Variants in CSMD3 observed in about 807,000 individuals in gnomAD.
The protein encoded by CSMD3 is CUB and Sushi multiple domains 3, also known as CUB and sushi domain-containing protein 3.
A neutral mutation model predicts 435.2 loss-of-function variants in CSMD3; 177 were observed. The observed-to-expected ratio is 0.41, with a 90% CI of 0.36 to 0.46. The LOEUF is 0.46. Among genes scored for constraint, CSMD3 ranks in the 20% least tolerant of loss-of-function variants. The pLI, the probability that CSMD3 is intolerant of heterozygous loss-of-function variation, is 0.34. For synonymous variants in CSMD3, 1,656 were observed against 1,520.5 expected, an observed-to-expected ratio of 1.09 and a Z score of -2.07; for missense variants, 4,265 against 4,504.6, an observed-to-expected ratio of 0.95 and a Z score of 1.52.
intron 10 of CSMD3, 118 bp downstream of exon 10, chr8:112,921,509 G>A: frequency 8.9e-6 from 8 of 898,288 alleles, no homozygotes; most frequent in Non-Finnish European, 1.4e-5. Flanking sequence ...AAATATATGA[G>A]CACAATCTTT....
chr8:112,249,798 T>A (rs1815102904), intron 63 of CSMD3, among the ~76,000 whole-genome samples: 2 of 152,028 alleles, frequency 1.3e-5, no homozygotes, highest in South Asian at 4.1e-4. Flanking sequence ...CTCTCCCAAC[T>A]TTCCTTTCCT....
intron 1 of CSMD3, among the ~76,000 whole-genome samples, chr8:113,377,446 A>C (rs2094393091): frequency 6.6e-6 from 1 of 152,200 alleles, no homozygotes; most frequent in South Asian, 2.1e-4. Context: ...TGATAAGTCA[A>C]AAGTGAAATC....
chr8:113,053,918 C>G (rs2131337086), intron 5 of CSMD3, among the ~76,000 whole-genome samples: 1 of 152,256 alleles, frequency 6.6e-6, no homozygotes, highest in South Asian at 2.1e-4. Context: ...ATCAGCATGA[C>G]ATGTTATTTT....
chr8:112,830,900 C>T (rs1165290466), intron 11 of CSMD3, among the ~76,000 whole-genome samples: 1 of 151,778 alleles, frequency 6.6e-6, no homozygotes, highest in Non-Finnish European at 1.5e-5. Context: ...CATTCTCCTG[C>T]CTCAGCCTCC....
chr8:112,341,834 G>C (rs1272422957), intron 41 of CSMD3, 148 bp from the exon 42 acceptor site: 1 of 688,264 alleles, frequency 1.5e-6, no homozygotes, highest in Admixed American at 2.1e-5. Context: ...TGGATTTGCT[G>C]TCTGCCTAGG....
At chr8:113,110,137 C>CACCAGGCT (rs769982627) in intron 4 of CSMD3, among the ~76,000 whole-genome samples, 2 of 152,184 alleles carry the variant, frequency 1.3e-5, no homozygotes, top group African/African-American at 2.4e-5. Flanking sequence ...CAATTAATAG[C>CACCAGGCT]ACCAGGCTGA....
At chr8:113,168,158 G>A (rs915382348) in intron 4 of CSMD3, among the ~76,000 whole-genome samples, 2 of 151,968 alleles carry the variant, frequency 1.3e-5, no homozygotes, top group African/African-American at 4.8e-5. Context: ...ATAACACATT[G>A]TCTTTTCTGG....
At chr8:112,471,175 C>A (rs950164352) in intron 32 of CSMD3, among the ~76,000 whole-genome samples, 1 of 152,132 alleles carries the variant, frequency 6.6e-6, no homozygotes, top group Non-Finnish European at 1.5e-5. Context: ...CTTTCTCATT[C>A]ATTTGGCCAC....
chr8:112,479,177 C>T (rs994094885), intron 31 of CSMD3, among the ~76,000 whole-genome samples: 3 of 152,176 alleles, frequency 2.0e-5, no homozygotes, highest in East Asian at 1.9e-4. Flanking sequence ...GGTGGGGTGT[C>T]GCTGGCCAGA....
intron 16 of CSMD3, among the ~76,000 whole-genome samples, chr8:112,666,787 G>A (rs1413527445): frequency 6.6e-6 from 1 of 151,998 alleles, no homozygotes; most frequent in Non-Finnish European, 1.5e-5. Flanking sequence ...TCTTACTTAT[G>A]TTATCAAATT....
At chr8:112,680,956 T>C (rs1488269857) in intron 16 of CSMD3, among the ~76,000 whole-genome samples, 2 of 151,896 alleles carry the variant, frequency 1.3e-5, no homozygotes, top group South Asian at 2.1e-4. Flanking sequence ...TCAATTATTA[T>C]ATGACAATCT....
chr8:112,640,445 A>C (rs932596337), intron 20 of CSMD3, among the ~76,000 whole-genome samples: 8 of 152,166 alleles, frequency 5.3e-5, no homozygotes, highest in Admixed American at 2.0e-4. Flanking sequence ...AAGGGGACAG[A>C]AAATGAGACC....
At chr8:113,168,234 T>C (rs1172959893) in intron 4 of CSMD3, among the ~76,000 whole-genome samples, 2 of 151,958 alleles carry the variant, frequency 1.3e-5, no homozygotes, top group African/African-American at 4.8e-5. Context: ...TTTTAAAAAC[T>C]ACAGATTTTA....
chr8:113,161,735 A>C (rs1161386371), intron 4 of CSMD3, among the ~76,000 whole-genome samples: 3 of 152,282 alleles, frequency 2.0e-5, no homozygotes, highest in East Asian at 1.9e-4. Context: ...TTAGAGGATA[A>C]GTTTTAGACT....
At chr8:112,336,589 T>G in intron 44 of CSMD3, 63 bp downstream of exon 44, 1 of 1,272,494 alleles carries the variant, frequency 7.9e-7, no homozygotes, top group Non-Finnish European at 1.1e-6. Flanking sequence ...GATATATTTT[T>G]ATTCCAACCT....
At chr8:112,255,666 C>A in intron 61 of CSMD3, 1 of 507,858 alleles carries the variant, frequency 2.0e-6, no homozygotes. Flanking sequence ...AGTAAGCTAC[C>A]TTAATAAAGA....
intron 12 of CSMD3, among the ~76,000 whole-genome samples, chr8:112,816,861 A>AGT (rs1001526987): frequency 1.3e-5 from 2 of 151,692 alleles, no homozygotes; most frequent in Non-Finnish European, 1.5e-5. Flanking sequence ...TTAACCCAGA[A>AGT]GTGTGTGTGT....
At chr8:112,911,518 G>A (rs560731637) in intron 10 of CSMD3, among the ~76,000 whole-genome samples, 4 of 151,528 alleles carry the variant, frequency 2.6e-5, no homozygotes, top group Middle Eastern at 3.4e-3. Context: ...GTTTGTCTTT[G>A]TGCCTGGCTT....
At chr8:113,041,565 T>C (rs1244775529) in intron 5 of CSMD3, among the ~76,000 whole-genome samples, 1 of 152,130 alleles carries the variant, frequency 6.6e-6, no homozygotes, top group Non-Finnish European at 1.5e-5. Context: ...AGTTCCAATC[T>C]AAAGGGATTT....
Sources: allele counts gnomAD v4.1 joint callset (sites outside exome capture counted in the v4.1 genomes callset), GRCh38; gene constraint gnomAD v4.1.1; transcripts MANE v1.5; gene names NCBI Gene and HGNC (gene_info 2026-07-23, HGNC 2026-07-21).